MTMR10: variants seen among roughly 807,000 people sequenced by gnomAD.
The protein encoded by MTMR10 is myotubularin-related protein 10.
In MTMR10, 56 loss-of-function variants were observed where a neutral mutation model predicts 88.1. The ratio of observed to expected loss-of-function variants is 0.64; its 90% CI spans 0.51 to 0.79. MTMR10 has a LOEUF of 0.79. Among genes scored for constraint, MTMR10 ranks in the 30% least tolerant of loss-of-function variants. MTMR10 has a pLI of 0.00. For synonymous variants in MTMR10, 380 were observed against 340.9 expected (o/e 1.11, Z -1.26); for missense variants, 883 against 924.7 (o/e 0.95, Z 0.58).
chr15:30,986,989 A>G (rs1237905142), intron 2 of MTMR10, among the ~76,000 whole-genome samples: 2 of 152,310 alleles, frequency 1.3e-5, no homozygotes, highest in East Asian at 3.9e-4. Context: ...ACACACACAC[A>G]CTTTAAAAGT....
chr15:30,984,122 A>T (rs2030778461), intron 2 of MTMR10, among the ~76,000 whole-genome samples: 1 of 152,242 alleles, frequency 6.6e-6, no homozygotes, highest in South Asian at 2.1e-4. Context: ...AAATACTGAG[A>T]AATGAAGTCA....
Position 30,941,137 on chromosome 15 carries a change from G to T in MTMR10, c.*333C>A. On this transcript the variant is annotated 3_prime_UTR_variant, in exon 16 of 16. Coordinates refer to ENST00000435680, the MANE Select transcript of MTMR10 (RefSeq NM_017762.3). ...CTAACTTTCCTGTTGTCTGCTGCCTGGGGCTGCTAATGTGACTGACTATCA... is the reference window on the plus strand; with the variant it reads ...CTAACTTTCCTGTTGTCTGCTGCCTTGGGCTGCTAATGTGACTGACTATCA... The T allele has an allele frequency of 7.8e-7, 1 of 1,283,160 alleles. No individual in the cohort carries two copies. The highest frequency in any genetic ancestry group is 1.0e-6 in the Non-Finnish European group (1 of 990,452). 79.5% of individuals were successfully genotyped at this position (1,283,160 alleles called of 1,614,324 possible).
the MTMR10 span, chr15:30,920,522 A>G: frequency 7.0e-7 from 1 of 1,420,018 alleles, no homozygotes; most frequent in Non-Finnish European, 9.9e-7. Context: ...TTATTAAACT[A>G]CTGGTATATG....
Position 30,942,000 on chromosome 15 carries a change from G to GTAA in MTMR10, c.1801_1803dup (p.Leu602dup). On this transcript the variant is annotated inframe_insertion, in exon 16 of 16. Transcript: ENST00000435680. ...AATATCAATGAATTTCTCCTTGGAA[G>GTAA]TAATTCTTGGTCACTGATGATTCCA... is the stretch of plus-strand genomic sequence containing the variant. 6.2e-7 allele frequency: 1 copy of GTAA among 1,614,016 alleles called. No homozygotes were observed.
At chr15:30,918,838 C>G in the MTMR10 span, among the ~76,000 whole-genome samples, 1 of 152,034 alleles carries the variant, frequency 6.6e-6, no homozygotes, top group Non-Finnish European at 1.5e-5. Context: ...TTTTCAGATG[C>G]CACTTTGAAA....
intron 6 of MTMR10, among the ~76,000 whole-genome samples, chr15:30,961,872 G>A (rs998039183): frequency 2.0e-5 from 3 of 151,682 alleles, no homozygotes; most frequent in East Asian, 1.9e-4. Flanking sequence ...CCTCATCTCC[G>A]TCCCTAATTG....
In MTMR10 at chr15:30,941,678, C is replaced by T. The variant is rs774800788; in HGVS notation, c.2126G>A (p.Gly709Glu). Residue 709 changes from glycine (G) to glutamate (E), a missense_variant, in exon 16 of 16, where the codon GGG becomes GAG. Around this residue, in one of 3 missense-constraint regions of MTMR10, gnomAD observed 343 missense variants for 323.2 expected, o/e 1.06. Transcript: ENST00000435680. Reference protein sequence around the residue: ...QRSGPLEACYGELGQSRMYFN... With the variant: ...QRSGPLEACYEELGQSRMYFN... ...GTACATCCTGCTCTGGCCCAGCTCC[C>T]CATAGCAGGCCTCCAGGGGGCCACT... The T allele has an allele frequency of 6.1e-5, 98 of 1,613,506 alleles. No homozygotes were observed. The highest frequency in any genetic ancestry group is 8.0e-5 in the Non-Finnish European group (94 of 1,179,744).
At chr15:30,929,646 AT>A in the MTMR10 span, among the ~76,000 whole-genome samples, 56 of 115,976 alleles carry the variant, frequency 4.8e-4, no homozygotes, top group African/African-American at 2.2e-3. Context: ...AATATACAAT[AT>A]ATAATATAAT....
At position 30,939,701 on chromosome 15, in the gene MTMR10, A is replaced by C; in HGVS notation, c.*1769T>G. On this transcript the variant is annotated 3_prime_UTR_variant, in exon 16 of 16. Transcript: ENST00000435680. ...AAAATTACAGAGGGAAAAATGCTCA[A>C]TCCAAAACATTTAGTAATAATAAAA... is the stretch of plus-strand genomic sequence containing the variant. The C allele has an allele frequency of 1.0e-6, 1 of 970,118 alleles. No individual in the cohort carries two copies. Among genetic ancestry groups the C allele is most frequent in the Non-Finnish European group, 1.2e-6 (1 of 815,982 alleles). The allele number at this position is 970,118 out of a possible 1,614,324, so 60.1% of individuals were successfully genotyped here.
Position 30,952,048 on chromosome 15 carries a change from GAA to G in MTMR10, c.1137-12_1137-11del. ...ATGCTTAAGGAATGCCCTGAAGAGA[GAA>G]AAGGAAAAGCAGTGTTAAAAATCAA... On this transcript the variant is annotated splice_polypyrimidine_tract_variant and intron_variant, in intron 11 of 15. Transcript: ENST00000435680. 1.2e-6 allele frequency: 2 copies of G among 1,609,764 alleles called. No individual in the cohort carries two copies. Among genetic ancestry groups the G allele is most frequent in the Non-Finnish European group, 1.7e-6 (2 of 1,176,438 alleles).
chr15:30,991,493 T>G lies in MTMR10; in HGVS notation c.14A>C (p.Lys5Thr). Residue 5 changes from lysine (K) to threonine (T), a missense_variant, in exon 1 of 16, where the codon AAG (lysine) becomes ACG (threonine). This residue lies in a region of MTMR10 where 414 missense variants were observed against 423.2 expected (regional missense o/e 0.98). Transcript: ENST00000435680. ...GGACCTGAAGGTGGGTTTGGGCGGCTTGAGGGAGAACATGGTGCCGCCGCC... is the reference window on the plus strand; with the variant it reads ...GGACCTGAAGGTGGGTTTGGGCGGCGTGAGGGAGAACATGGTGCCGCCGCC... MFSL[K>T]PPKPTFRSYL... 1 of 1,524,134 alleles carries G rather than the reference T, an allele frequency of 6.6e-7. No individual in the cohort carries two copies. Among genetic ancestry groups the G allele is most frequent in the South Asian group, 1.3e-5 (1 of 78,238 alleles). 94.4% of individuals were successfully genotyped at this position (1,524,134 alleles called of 1,614,324 possible).
At chr15:30,942,117 GA>G in intron 15 of MTMR10, 45 bp from the exon 16 acceptor site, 1 of 1,561,232 alleles carries the variant, frequency 6.4e-7, no homozygotes, top group Non-Finnish European at 8.7e-7. Context: ...TCCCTTTTTA[GA>G]AAGATTGAAG....
At chr15:30,988,149 T>C (rs2031072977) in intron 2 of MTMR10, among the ~76,000 whole-genome samples, 1 of 151,904 alleles carries the variant, frequency 6.6e-6, no homozygotes, top group Non-Finnish European at 1.5e-5. Flanking sequence ...AAAGAGCAAA[T>C]GGTAGCAGTG....
chr15:30,963,475 T>TA (rs796275031), intron 6 of MTMR10, among the ~76,000 whole-genome samples: 2,725 of 144,606 alleles, frequency 0.019, 60 homozygotes, highest in Admixed American at 0.035. Flanking sequence ...TTAAAAATAC[T>TA]AAAAAAAAAA....
chr15:30,962,501 A>G (rs1436477247), intron 6 of MTMR10, among the ~76,000 whole-genome samples: 3 of 152,126 alleles, frequency 2.0e-5, no homozygotes, highest in African/African-American at 7.2e-5. Flanking sequence ...TCATTTTCCA[A>G]CCAAATCAAA....
In MTMR10 at chr15:30,941,714, C is replaced by T. The variant is rs201349210; in HGVS notation, c.2090G>A (p.Arg697Gln). ...DEVDVLSRMLRQQRSGPLEAC... is the reference protein window; with the variant it reads ...DEVDVLSRMLQQQRSGPLEAC... ...CTCCAGGGGGCCACTGCGCTGTTGC[C>T]GCAGCATCCTGCTCAGTACGTCGAC... Residue 697 changes from arginine (R) to glutamine (Q), a missense_variant, in exon 16 of 16, where the codon CGG (arginine) becomes CAG (glutamine). Coordinates refer to ENST00000435680, the MANE Select transcript of MTMR10 (RefSeq NM_017762.3). The T allele has an allele frequency of 1.5e-4, 234 of 1,613,746 alleles. No homozygotes were observed. Among genetic ancestry groups the T allele is most frequent in the Non-Finnish European group, 9.3e-5 (110 of 1,179,874 alleles).
At position 30,941,471 on chromosome 15, in the gene MTMR10, T is replaced by A; in HGVS notation, c.2333A>T (p.Ter778LeuextTer24). ...AAAATGTTCAGAAAACACCCTATTT[T>A]AGTCTTCATTTGCTAATGTCTCAGT... ...LSTETLANED[*>L] is the part of the protein sequence containing the mutation. The change falls in exon 16 of 16, where the codon TAA becomes TTA. Residue 778 changes from the stop codon to leucine, a stop_lost. Transcript: ENST00000435680. 6.2e-7 allele frequency: 1 copy of A among 1,601,822 alleles called. No homozygotes were observed. Among genetic ancestry groups the A allele is most frequent in the Non-Finnish European group, 8.5e-7 (1 of 1,173,602 alleles).
chr15:30,944,843 T>G (rs1023622026), intron 14 of MTMR10, among the ~76,000 whole-genome samples: 3 of 151,102 alleles, frequency 2.0e-5, no homozygotes, highest in Admixed American at 6.6e-5. Flanking sequence ...AAACCCTGAC[T>G]CTACAAAAAA....
At chr15:30,945,382 G>A (rs1364814862) in intron 14 of MTMR10, among the ~76,000 whole-genome samples, 2 of 152,152 alleles carry the variant, frequency 1.3e-5, no homozygotes, top group East Asian at 3.9e-4. Context: ...ATTCAGTAAT[G>A]TTCATTCCTG....
Sources: allele counts gnomAD v4.1 joint callset (sites outside exome capture counted in the v4.1 genomes callset), GRCh38; gene constraint gnomAD v4.1.1; regional missense constraint gnomAD v4.1.1; transcripts MANE v1.5; gene names NCBI Gene and HGNC (gene_info 2026-07-23, HGNC 2026-07-21).